GABRG3: variants seen among roughly 807,000 people sequenced by gnomAD.
GABRG3 encodes the protein gamma-aminobutyric acid type A receptor subunit gamma3.
GABRG3 carries 25 observed loss-of-function variants against 48.8 expected under a neutral mutation model. The ratio of observed to expected loss-of-function variants is 0.51; its 90% CI spans 0.37 to 0.72. The LOEUF (loss-of-function observed/expected upper bound fraction) is 0.72, where lower values mean the gene tolerates loss of function less well. GABRG3 is among the 30% of genes least tolerant of loss of function. GABRG3 has a pLI of 0.00. For synonymous variants in GABRG3, 227 were observed against 217.6 expected (o/e 1.04, Z -0.38); for missense variants, 394 against 577.9 (o/e 0.68, Z 3.26).
intron 5 of GABRG3, among the ~76,000 whole-genome samples, chr15:27,387,991 T>G (rs116164325): frequency 0.36 from 7,310 of 20,482 alleles, 817 homozygotes; most frequent in Middle Eastern, 0.42. Context: ...GGAGGGAGGG[T>G]AAGGAAGGAA....
chr15:27,079,089 C>T (rs1292886001), intron 3 of GABRG3, among the ~76,000 whole-genome samples: 2 of 152,106 alleles, frequency 1.3e-5, no homozygotes, highest in Non-Finnish European at 2.9e-5. Context: ...AGGCATAGAA[C>T]CGTTTCCCCC....
chr15:27,191,250 C>G (rs1888290940), intron 3 of GABRG3, among the ~76,000 whole-genome samples: 2 of 152,140 alleles, frequency 1.3e-5, no homozygotes. Flanking sequence ...CAGCTTGGTG[C>G]AGAGCTGAGT....
chr15:27,294,692 G>T (rs1891918868), intron 3 of GABRG3, among the ~76,000 whole-genome samples: 1 of 151,908 alleles, frequency 6.6e-6, no homozygotes, highest in Non-Finnish European at 1.5e-5. Context: ...ACTGTGGAGG[G>T]TGAGGCACAG....
At chr15:27,429,623 A>G (rs936584116) in intron 5 of GABRG3, among the ~76,000 whole-genome samples, 1 of 152,124 alleles carries the variant, frequency 6.6e-6, no homozygotes, top group East Asian at 1.9e-4. Context: ...CGGTACTTGA[A>G]TTTGCTTCCT....
chr15:27,016,237 TTTC>T (rs747167054), intron 2 of GABRG3, among the ~76,000 whole-genome samples: 18 of 113,706 alleles, frequency 1.6e-4, no homozygotes, highest in East Asian at 4.0e-4. Context: ...TCTTTCTTTC[TTTC>T]TTTTTTTTTT....
At chr15:27,451,286 TATATC>T (rs1351234241) in intron 5 of GABRG3, among the ~76,000 whole-genome samples, 5 of 152,288 alleles carry the variant, frequency 3.3e-5, no homozygotes, top group African/African-American at 1.2e-4. Context: ...GATTTCAAGT[TATATC>T]ATAAAGTTAC....
At chr15:27,479,950 T>C (rs1890056800) in intron 5 of GABRG3, among the ~76,000 whole-genome samples, 1 of 152,224 alleles carries the variant, frequency 6.6e-6, no homozygotes, top group Non-Finnish European at 1.5e-5. Context: ...AGCAGGCATC[T>C]GGCAAATAGC....
intron 2 of GABRG3, among the ~76,000 whole-genome samples, chr15:27,003,760 G>A (rs1482321824): frequency 6.6e-6 from 1 of 151,852 alleles, no homozygotes; most frequent in Admixed American, 6.6e-5. Context: ...ACGGGGTGGT[G>A]GCCTGGCAGA....
chr15:27,307,006 G>GTTTATATATAAACTAA (rs1566769768), intron 3 of GABRG3, among the ~76,000 whole-genome samples: 2 of 78,598 alleles, frequency 2.5e-5, no homozygotes, highest in East Asian at 3.4e-4. Context: ...ATATAAACAT[G>GTTTATATATAAACTAA]TATAAACATG....
At chr15:27,308,291 A>G (rs1486885740) in intron 3 of GABRG3, among the ~76,000 whole-genome samples, 2 of 136,424 alleles carry the variant, frequency 1.5e-5, no homozygotes, top group Non-Finnish European at 3.1e-5. Flanking sequence ...ATACGTTTAT[A>G]TATAAACATC....
At chr15:27,256,261 T>G (rs748027603) in intron 3 of GABRG3, among the ~76,000 whole-genome samples, 22 of 151,290 alleles carry the variant, frequency 1.5e-4, no homozygotes, top group Non-Finnish European at 2.4e-4. Flanking sequence ...GCTAACATGG[T>G]GAAACCCGTC....
chr15:27,350,224 C>G, intron 5 of GABRG3: 1 of 455,144 alleles, frequency 2.2e-6, no homozygotes, highest in South Asian at 1.6e-5. Context: ...CTCGGAGACT[C>G]GCTTCCATTC....
intron 3 of GABRG3, among the ~76,000 whole-genome samples, chr15:27,057,796 T>C (rs184163186): frequency 7.2e-5 from 11 of 152,262 alleles, no homozygotes; most frequent in Admixed American, 6.5e-4. Context: ...AATCGAGACA[T>C]AGAAAAGCCA....
At chr15:26,994,152 T>C (rs1430653872) in intron 2 of GABRG3, among the ~76,000 whole-genome samples, 2 of 152,002 alleles carry the variant, frequency 1.3e-5, no homozygotes, top group African/African-American at 4.8e-5. Flanking sequence ...TTTTTTCCCA[T>C]CCATTCAGCC....
rs140898312 is a variant in GABRG3 at position 27,485,100 on chromosome 15, G to A, written c.712+4313G>A. On this transcript the variant is annotated intron_variant, in intron 6 of 9. Coordinates refer to ENST00000615808, the MANE Select transcript of GABRG3 (RefSeq NM_033223.5). ...AGGAAGGACATGTATAGGGGATAAC[G>A]TCTGGTGAACACCACTTGGCCACGT... 9.3e-3 allele frequency among the ~76,000 whole-genome samples: 1,411 copies of A among 152,252 alleles called. 20 individuals carry two copies. Among genetic ancestry groups the A allele is most frequent in the African/African-American group, 0.032 (1,331 of 41,546 alleles).
intron 3 of GABRG3, among the ~76,000 whole-genome samples, chr15:27,069,008 C>T (rs1425898829): frequency 6.6e-6 from 1 of 152,154 alleles, no homozygotes; most frequent in Admixed American, 6.5e-5. Context: ...CTTTGTTTCC[C>T]CACCTTGCAA....
chr15:27,038,503 G>A (rs991709941), intron 3 of GABRG3, among the ~76,000 whole-genome samples: 5 of 151,912 alleles, frequency 3.3e-5, no homozygotes, highest in Non-Finnish European at 7.4e-5. Flanking sequence ...TGTGGACACT[G>A]GTGCTGCTCA....
intron 5 of GABRG3, among the ~76,000 whole-genome samples, chr15:27,475,570 CAG>C (rs1197404249): frequency 6.6e-6 from 1 of 151,056 alleles, no homozygotes; most frequent in Non-Finnish European, 1.5e-5. Context: ...ATGATAGTAA[CAG>C]TGGTGGTGAT....
At chr15:27,487,147 A>T (rs926124364) in intron 6 of GABRG3, among the ~76,000 whole-genome samples, 1 of 152,188 alleles carries the variant, frequency 6.6e-6, no homozygotes, top group Non-Finnish European at 1.5e-5. Flanking sequence ...GTCATCCTCC[A>T]TCTCTAATTC....
Sources: gnomAD v4.1 joint callset for allele counts (sites outside exome capture counted in the v4.1 genomes callset) on GRCh38, gnomAD v4.1.1 for gene constraint, MANE v1.5 for transcripts, NCBI Gene and HGNC (gene_info 2026-07-23, HGNC 2026-07-21) for gene names.